SPATA24: variants seen among roughly 807,000 people sequenced by gnomAD.
SPATA24 encodes spermatogenesis associated 24.
SPATA24 carries 21 observed loss-of-function variants against 28.9 expected under a neutral mutation model. That is an observed-to-expected ratio of 0.73 (90% confidence interval 0.52 to 1.05). The LOEUF (loss-of-function observed/expected upper bound fraction) is 1.05. Among genes scored for constraint, SPATA24 ranks in the 50% least tolerant of loss-of-function variants. The pLI is 0.00. For missense variants in SPATA24, 215 were observed against 242.9 expected (o/e 0.88, Z 0.76); for synonymous variants, 76 against 89.9 (o/e 0.85, Z 0.88).
chr5:139,399,417 T>TTAAAAAAAAAAAAAAAAAAAA (rs1758778351), intron 4 of SPATA24, among the ~76,000 whole-genome samples: 1 of 151,104 alleles, frequency 6.6e-6, no homozygotes, highest in African/African-American at 2.4e-5. Context: ...GAAGACCTGG[T>TTAAAAAAAAAAAAAAAAAAAA]AAAAAGTGAA....
chr5:139,394,178 C>A (rs1758649993), downstream of SPATA24: 1 of 1,546,144 alleles, frequency 6.5e-7, no homozygotes, highest in African/African-American at 1.4e-5. Context: ...TTATCTCGTA[C>A]GCGAAGTGGC....
In SPATA24 at chr5:139,403,937, T is replaced by C; in HGVS notation, c.117+7A>G. 6.4e-7 allele frequency: 1 copy of C among 1,550,544 alleles called. No homozygotes were observed. Among genetic ancestry groups the C allele is most frequent in the Non-Finnish European group, 8.7e-7 (1 of 1,145,918 alleles). Reference sequence around the variant, plus strand: ...CCGCCTCTCCCCAAACTCCTCTGGCTGCATACCACGTTCCTCAGCTGGTGG... The same window carrying C: ...CCGCCTCTCCCCAAACTCCTCTGGCCGCATACCACGTTCCTCAGCTGGTGG... On this transcript the variant is annotated splice_region_variant and intron_variant, in intron 1 of 5. Coordinates refer to ENST00000450845, the MANE Select transcript of SPATA24 (RefSeq NM_194296.2).
At chr5:139,393,753 G>T, downstream of SPATA24, 2 of 1,551,354 alleles carry the variant, frequency 1.3e-6, no homozygotes, top group Non-Finnish European at 1.7e-6. Flanking sequence ...TTTCCTCGAC[G>T]GCAGGATTTT....
intron 1 of SPATA24, 63 bp downstream of exon 1, chr5:139,403,880 TG>T (rs1313230737): frequency 2.2e-6 from 3 of 1,377,516 alleles, no homozygotes; most frequent in Non-Finnish European, 3.0e-6. Flanking sequence ...GAACAGGTTC[TG>T]GCCCCGCCCC....
chr5:139,394,622 C>T (rs1158275075), downstream of SPATA24: 1 of 1,533,864 alleles, frequency 6.5e-7, no homozygotes, highest in South Asian at 1.2e-5. Context: ...TGGCGTGGGA[C>T]CGCGGCGGGA....
downstream of SPATA24, chr5:139,393,631 G>T: frequency 6.4e-7 from 1 of 1,550,746 alleles, no homozygotes; most frequent in Non-Finnish European, 8.7e-7. Context: ...CGCGACTGCC[G>T]AATGTGGAAT....
chr5:139,397,553 C>CTTTTTTTTTTTTTTTTTTT (rs757853919), intron 4 of SPATA24, among the ~76,000 whole-genome samples: 1 of 135,534 alleles, frequency 7.4e-6, no homozygotes. Context: ...CCTGCTTTCT[C>CTTTTTTTTTTTTTTTTTTT]TTTTTTTTTT....
downstream of SPATA24, chr5:139,394,275 GGC>G: frequency 6.5e-7 from 1 of 1,540,986 alleles, no homozygotes. Context: ...ACCCGAAGGT[GGC>G]GCTGCTCGGG....
downstream of SPATA24, chr5:139,396,637 A>T: frequency 6.7e-7 from 1 of 1,487,386 alleles, no homozygotes; most frequent in Non-Finnish European, 8.9e-7. Flanking sequence ...CTACCAGACA[A>T]CAAAGACCCA....
chr5:139,395,151 C>T (rs902853398), downstream of SPATA24: 6 of 1,348,244 alleles, frequency 4.5e-6, no homozygotes, highest in African/African-American at 4.7e-5. Context: ...ACTGTCCCCG[C>T]CCCGCCCGAG....
Position 139,396,793 on chromosome 5 carries a change from G to A in SPATA24, c.*7C>T, listed in dbSNP as rs372128733. 2.5e-5 allele frequency: 39 copies of A among 1,551,716 alleles called. No homozygotes were observed. Among genetic ancestry groups the A allele is most frequent in the African/African-American group, 2.5e-4 (18 of 73,176 alleles). ...TACAGCCAGAGAACAGGAAAGCGGC[G>A]GCCATTTTATTTTTCCCTGGGATGC... On this transcript the variant is annotated 3_prime_UTR_variant, in exon 6 of 6. Transcript: ENST00000450845.
At position 139,404,006 on chromosome 5, in the gene SPATA24, A is replaced by C; in HGVS notation, c.55T>G (p.Leu19Val). The C allele has an allele frequency of 1.9e-6, 3 of 1,551,916 alleles. No homozygotes were observed. Among genetic ancestry groups the C allele is most frequent in the South Asian group, 2.4e-5 (2 of 84,054 alleles). ...KAGSGSVCLA[L>V]DQLRDVIESQ... is the part of the protein sequence containing the mutation. ...TCAATCACGTCCCGCAGTTGATCTA[A>C]AGCGAGACACACAGATCCTGACCCC... The change falls in exon 1 of 6, where the codon TTA becomes GTA. Residue 19 changes from leucine (L) to valine (V), a missense_variant. By Grantham distance (32) the Leu-to-Val change is conservative. Coordinates refer to ENST00000450845, the MANE Select transcript of SPATA24 (RefSeq NM_194296.2).
rs1314816848 is a variant in SPATA24, at chr5:139,401,749, G to A, written c.385+6C>T. 5 of 1,551,394 alleles carry A rather than the reference G, an allele frequency of 3.2e-6. No individual in the cohort carries two copies. The African/African-American group carries it at 5.5e-5, about 17-fold the overall frequency. ...CCGTGGTGGAGAGCACGGGCCTCCCGCCTACCATTGCACTTGGTGATGAGC... is the reference window on the plus strand; with the variant it reads ...CCGTGGTGGAGAGCACGGGCCTCCCACCTACCATTGCACTTGGTGATGAGC... On this transcript the variant is annotated splice_donor_region_variant and intron_variant, in intron 4 of 5. Coordinates refer to ENST00000450845, the MANE Select transcript of SPATA24 (RefSeq NM_194296.2).
Position 139,401,978 on chromosome 5 carries a change from G to A in SPATA24, c.251C>T (p.Ala84Val). 1 of 1,551,702 alleles carries A rather than the reference G, an allele frequency of 6.4e-7. No individual in the cohort carries two copies. The highest frequency in any genetic ancestry group is 2.4e-5 in the East Asian group (1 of 40,920). The change falls in exon 3 of 6, where the codon GCC becomes GTC. Residue 84 changes from alanine to valine, a missense_variant. By Grantham distance (64) the Ala-to-Val change is moderately conservative (BLOSUM62 0). Coordinates refer to ENST00000450845, the MANE Select transcript of SPATA24 (RefSeq NM_194296.2). ...LAKEEEKLQF[A>V]LGEVEVLSKQ... is the part of the protein sequence containing the mutation. ...GGATAGCACCTCTACCTCTCCGAGG[G>A]CAAACTGTAACTTCTCCTCTTCCTT...
intron 2 of SPATA24, among the ~76,000 whole-genome samples, 200 bp downstream of exon 2, chr5:139,402,428 A>G (rs929890326): frequency 2.0e-5 from 3 of 151,546 alleles, no homozygotes; most frequent in African/African-American, 7.3e-5. Flanking sequence ...TTTTTAGTAG[A>G]GACAGGGTTT....
chr5:139,401,373 A>G (rs1048081130), intron 4 of SPATA24: 6 of 572,046 alleles, frequency 1.0e-5, no homozygotes, highest in African/African-American at 1.9e-5. Context: ...ATCCTTCCCT[A>G]TTGAGTCCTG....
chr5:139,399,785 G>A (rs1758785966), intron 4 of SPATA24, among the ~76,000 whole-genome samples: 1 of 152,192 alleles, frequency 6.6e-6, no homozygotes, highest in African/African-American at 2.4e-5. Flanking sequence ...CCACAGGAGG[G>A]GTTTAGAATA....
downstream of SPATA24, chr5:139,395,406 A>T (rs1285499931): frequency 3.6e-6 from 1 of 279,804 alleles, no homozygotes; most frequent in Non-Finnish European, 6.6e-6. Flanking sequence ...AACTCCACCT[A>T]TCACAGGTGA....
At chr5:139,394,893 C>A, downstream of SPATA24, 2 of 1,511,734 alleles carry the variant, frequency 1.3e-6, no homozygotes, top group Non-Finnish European at 1.8e-6. Context: ...CGCCCGCCCC[C>A]CGCCCAGGAG....
Sources: allele counts gnomAD v4.1 joint callset (sites outside exome capture counted in the v4.1 genomes callset), GRCh38; gene constraint gnomAD v4.1.1; transcripts MANE v1.5; gene names NCBI Gene and HGNC (gene_info 2026-07-23, HGNC 2026-07-21).